Variants in COL1A2 observed in about 807,000 individuals in gnomAD.
COL1A2 encodes collagen alpha-2(I) chain.
Under a neutral mutation model 174.3 loss-of-function variants are expected in COL1A2, and 49 were observed. The observed-to-expected ratio is 0.28, with a 90% CI of 0.22 to 0.36. The LOEUF is 0.36. COL1A2 is among the 10% of genes least tolerant of loss of function. COL1A2 has a pLI of 1.00. For synonymous variants in COL1A2, 655 were observed against 606.6 expected, an observed-to-expected ratio of 1.08 and a Z score of -1.17; for missense variants, 1,438 against 1,822.7, an observed-to-expected ratio of 0.79 and a Z score of 3.84.
chr7:94,409,871 C>T, intron 19 of COL1A2, 50 bp downstream of exon 19: 1 of 1,510,444 alleles, frequency 6.6e-7, no homozygotes, highest in Non-Finnish European at 9.2e-7. Flanking sequence ...CCACCTCTGC[C>T]ATCATTTCAT....
chr7:94,410,402 G>T lies in COL1A2; in HGVS notation c.1090-18G>T, dbSNP rs752029165. 1.3e-6 allele frequency: 2 copies of T among 1,554,900 alleles called. No individual in the cohort carries two copies. Among genetic ancestry groups the T allele is most frequent in the Admixed American group, 1.9e-5 (1 of 51,566 alleles). ...TTATTTTTTTACTCCCTCTTCTTTT[G>T]TTCTTTTCATTAAACAGGGCTCTGC... On this transcript the variant is annotated intron_variant, in intron 20 of 51. Coordinates refer to ENST00000297268, the MANE Select transcript of COL1A2 (RefSeq NM_000089.4).
In COL1A2 at chr7:94,417,666, T is replaced by C. The variant is rs935106292; in HGVS notation, c.1864-58T>C. The C allele has an allele frequency of 5.4e-5, 77 of 1,414,492 alleles. No homozygotes were observed. The East Asian group carries it at 1.7e-3, about 31-fold the overall frequency. 87.6% of individuals were successfully genotyped at this position (1,414,492 alleles called of 1,614,324 possible). ...TTTAAATTGGAATTCTTCTAGAGTT[T>C]GATTCTTCATTTTCTTCTTTCTCCA... On this transcript the variant is annotated intron_variant, in intron 31 of 51. Coordinates refer to ENST00000297268, the MANE Select transcript of COL1A2 (RefSeq NM_000089.4).
At chr7:94,407,280 C>T (rs1294019959) in intron 12 of COL1A2, among the ~76,000 whole-genome samples, 1 of 151,996 alleles carries the variant, frequency 6.6e-6, no homozygotes, top group African/African-American at 2.4e-5. Context: ...CCATATTTCC[C>T]CTATATCTAA....
rs933310645 is a variant in COL1A2, at chr7:94,422,830, C to T, written c.2404-127C>T. On this transcript the variant is annotated intron_variant, in intron 39 of 51. Coordinates refer to ENST00000297268, the MANE Select transcript of COL1A2 (RefSeq NM_000089.4). ...AGGTTAAAAACTATAAATATTTCCC[C>T]CAAATGGCCAGGGTATTATTTTATT... The T allele has an allele frequency of 2.6e-6, 3 of 1,149,234 alleles. No homozygotes were observed. The African/African-American group carries it at 4.6e-5, about 18-fold the overall frequency. 71.2% of individuals were successfully genotyped at this position (1,149,234 alleles called of 1,614,324 possible). A position where few individuals can be genotyped will look rare whatever the true frequency, so the allele number is the denominator to read the frequency against.
chr7:94,395,054 G>T lies in COL1A2; in HGVS notation c.23G>T (p.Arg8Leu). The T allele has an allele frequency of 6.2e-7, 1 of 1,613,984 alleles. No individual in the cohort carries two copies. The highest frequency in any genetic ancestry group is 1.7e-5 in the Admixed American group (1 of 60,022). Residue 8 changes from arginine (R) to leucine (L), a missense_variant, in exon 1 of 52, where the codon CGG becomes CTG. Physicochemically the swap from Arg to Leu is moderately radical, Grantham distance 102 (BLOSUM62 -2). This residue lies in a region of COL1A2 where 281 missense variants were observed against 310.9 expected (regional missense o/e 0.90). Transcript: ENST00000297268. ...GACATGCTCAGCTTTGTGGATACGC[G>T]GACTTTGTTGCTGCTTGCAGTAACC... Reference protein sequence around the residue: MLSFVDTRTLLLLAVTLC... With the variant: MLSFVDTLTLLLLAVTLC...
chr7:94,424,926 C>T, intron 41 of COL1A2, 191 bp from the exon 42 acceptor site: 1 of 625,476 alleles, frequency 1.6e-6, no homozygotes, highest in Admixed American at 2.4e-5. Flanking sequence ...TTACATAAAG[C>T]TGGCCATCTA....
rs1350905379 is a variant in COL1A2 at position 94,415,269 on chromosome 7, G to A, written c.1763G>A (p.Arg588Lys). 1 of 1,613,638 alleles carries A rather than the reference G, an allele frequency of 6.2e-7. No individual in the cohort carries two copies. Among genetic ancestry groups the A allele is most frequent in the African/African-American group, 1.3e-5 (1 of 74,922 alleles). ...GGTCTCCCTGGTCCTGCTGGTCCAA[G>A]AGTAAGTGTTACTTCATTAACTTTC... is the stretch of plus-strand genomic sequence containing the variant. ...EFGLPGPAGPRGERGPPGESG... is the reference protein window; with the variant it reads ...EFGLPGPAGPKGERGPPGESG... Residue 588 changes from arginine (R) to lysine (K), a missense_variant and splice_region_variant, in exon 30 of 52, where the codon AGA (arginine) becomes AAA (lysine). This residue lies in a region of COL1A2 where 867 missense variants were observed against 1,213.7 expected (regional missense o/e 0.71). Transcript: ENST00000297268.
chr7:94,413,161 C>G (rs750924902), intron 26 of COL1A2, 25 bp downstream of exon 26: 1 of 1,606,966 alleles, frequency 6.2e-7, no homozygotes, highest in Non-Finnish European at 8.5e-7. Flanking sequence ...GTGTACAGAT[C>G]TATTCACATA....
At chr7:94,410,120 T>C in intron 19 of COL1A2, 122 bp from the exon 20 acceptor site, 1 of 973,298 alleles carries the variant, frequency 1.0e-6, no homozygotes, top group Non-Finnish European at 1.6e-6. Context: ...ATGAACAGGG[T>C]ACATTTCCTA....
chr7:94,425,649 C>G lies in COL1A2; in HGVS notation c.2821C>G (p.Gln941Glu). The G allele has an allele frequency of 1.2e-6, 2 of 1,614,130 alleles. No individual in the cohort carries two copies. The highest frequency in any genetic ancestry group is 1.7e-6 in the Non-Finnish European group (2 of 1,180,026). Residue 941 changes from glutamine to glutamate, a missense_variant, in exon 43 of 52, where the codon CAA (glutamine) becomes GAA (glutamate). Transcript: ENST00000297268. ...CGATGGTCCCCCAGGTCGCGATGGT[C>G]AACCCGGACACAAGGTCAGTACACT... is the stretch of plus-strand genomic sequence containing the variant. ...GNDGPPGRDGQPGHKGERGYP... is the reference protein window; with the variant it reads ...GNDGPPGRDGEPGHKGERGYP...
chr7:94,427,684 G>T lies in COL1A2; in HGVS notation c.3325G>T (p.Asp1109Tyr), dbSNP rs771709939. The T allele has an allele frequency of 1.9e-6, 3 of 1,614,030 alleles. No homozygotes were observed. Residue 1109 changes from aspartate to tyrosine, a missense_variant, in exon 49 of 52, where the codon GAC (aspartate) becomes TAC (tyrosine). By Grantham distance (160) the Asp-to-Tyr change is radical. Transcript: ENST00000297268. ...TCCAGGTGTAAGCGGTGGTGGTTAT[G>T]ACTTTGGTTACGATGGAGACTTCTA... ...GPPGVSGGGYDFGYDGDFYRA... is the reference protein window; with the variant it reads ...GPPGVSGGGYYFGYDGDFYRA...
At chr7:94,408,674 T>G in intron 15 of COL1A2, 96 bp from the exon 16 acceptor site, 1 of 1,312,520 alleles carries the variant, frequency 7.6e-7, no homozygotes, top group Non-Finnish European at 1.1e-6. Context: ...ATAAACAGTG[T>G]CATGCCACTG....
At chr7:94,407,005 C>T (rs1791814917) in intron 12 of COL1A2, among the ~76,000 whole-genome samples, 1 of 152,118 alleles carries the variant, frequency 6.6e-6, no homozygotes, top group African/African-American at 2.4e-5. Flanking sequence ...ACTCATTCTC[C>T]CAAGAGCCCG....
Position 94,413,880 on chromosome 7 carries a change from C to G in COL1A2, c.1612-14C>G, listed in dbSNP as rs1218725916. On this transcript the variant is annotated splice_polypyrimidine_tract_variant and intron_variant, in intron 27 of 51. Transcript: ENST00000297268. Reference sequence around the variant, plus strand: ...ATACGTTGCTATTTATGCTCTCTTTCCTGTCACTTTCAGGGTGTTCAAGGT... The same window carrying G: ...ATACGTTGCTATTTATGCTCTCTTTGCTGTCACTTTCAGGGTGTTCAAGGT... 3 of 1,613,894 alleles carry G rather than the reference C, an allele frequency of 1.9e-6. No individual in the cohort carries two copies. Among genetic ancestry groups the G allele is most frequent in the Admixed American group, 1.7e-5 (1 of 60,002 alleles).
chr7:94,425,557 T>C, intron 42 of COL1A2, 53 bp from the exon 43 acceptor site: 3 of 1,561,676 alleles, frequency 1.9e-6, no homozygotes, highest in East Asian at 2.2e-5. Flanking sequence ...ACATAGGGGC[T>C]GGTAGGCAGC....
intron 37 of COL1A2, 77 bp downstream of exon 37, chr7:94,420,725 C>T: frequency 2.3e-6 from 3 of 1,290,426 alleles, no homozygotes. Context: ...CGTCAAGTGC[C>T]TGCTATGCAA....
chr7:94,395,084 G>A lies in COL1A2; in HGVS notation c.53G>A (p.Cys18Tyr), dbSNP rs1791556058. The A allele has an allele frequency of 6.2e-7, 1 of 1,613,896 alleles. No individual in the cohort carries two copies. Among genetic ancestry groups the A allele is most frequent in the Admixed American group, 1.7e-5 (1 of 59,988 alleles). Residue 18 changes from cysteine (C) to tyrosine (Y), a missense_variant, in exon 1 of 52, where the codon TGC (cysteine) becomes TAC (tyrosine). Physicochemically the swap from Cys to Tyr is radical, Grantham distance 194. Transcript: ENST00000297268. ...RTLLLLAVTL[C>Y]LATCQSLQEE... ...TTGTTGCTGCTTGCAGTAACCTTAT[G>A]CCTAGCAACATGCCAATGTAAGTGC...
intron 39 of COL1A2, 182 bp downstream of exon 39, chr7:94,422,134 T>C (rs1792176790): frequency 1.8e-6 from 1 of 544,032 alleles, no homozygotes; most frequent in African/African-American, 1.9e-5. Flanking sequence ...TTTTATAATA[T>C]CAGTTTAAGA....
intron 4 of COL1A2, among the ~76,000 whole-genome samples, chr7:94,399,312 C>A (rs1791641538): frequency 1.3e-5 from 2 of 152,150 alleles, no homozygotes; most frequent in South Asian, 4.1e-4. Context: ...CAGTCATATT[C>A]TTTGCATGGT....
Sources: allele counts gnomAD v4.1 joint callset (sites outside exome capture counted in the v4.1 genomes callset), GRCh38; gene constraint gnomAD v4.1.1; regional missense constraint gnomAD v4.1.1; transcripts MANE v1.5; gene names NCBI Gene and HGNC (gene_info 2026-07-23, HGNC 2026-07-21).